Variants in DAPK1 observed in about 807,000 individuals in gnomAD.
The protein encoded by DAPK1 is death-associated protein kinase 1.
Under a neutral mutation model 144.9 loss-of-function variants are expected in DAPK1, and 56 were observed. The ratio of observed to expected loss-of-function variants is 0.39; its 90% confidence interval spans 0.31 to 0.48. DAPK1 has a LOEUF of 0.48. Ranked by LOEUF, DAPK1 falls within the 20% of genes least tolerant of loss-of-function variation. The pLI is 0.95. For missense variants in DAPK1, 1,454 were observed against 1,875.4 expected (o/e 0.78, Z 4.15); for synonymous variants, 690 against 749.0 (o/e 0.92, Z 1.29).
intron 4 of DAPK1, among the ~76,000 whole-genome samples, chr9:87,638,624 A>C (rs949080554): frequency 6.6e-6 from 1 of 152,324 alleles, no homozygotes; most frequent in South Asian, 2.1e-4. Flanking sequence ...CGACAGGAGC[A>C]ATAGGAAGTG....
intron 2 of DAPK1, chr9:87,506,707 A>G (rs572803998): frequency 6.6e-6 from 1 of 152,324 alleles, no homozygotes; most frequent in African/African-American, 2.4e-5. Flanking sequence ...GGTAAATTAT[A>G]CAAATGGAAT....
At chr9:87,540,629 C>G (rs549763901) in intron 2 of DAPK1, among the ~76,000 whole-genome samples, 16 of 152,252 alleles carry the variant, frequency 1.1e-4, no homozygotes, top group Admixed American at 2.0e-4. Flanking sequence ...GGAATGGATC[C>G]CCTGTGAGTA....
At chr9:87,629,238 G>T (rs1175030449) in intron 3 of DAPK1, among the ~76,000 whole-genome samples, 1 of 152,224 alleles carries the variant, frequency 6.6e-6, no homozygotes, top group Non-Finnish European at 1.5e-5. Context: ...GTGGAGGGCG[G>T]TCTACAGGGA....
intron 2 of DAPK1, among the ~76,000 whole-genome samples, chr9:87,518,105 G>GTTTTTTTT (rs1178414186): frequency 1.1e-4 from 4 of 35,606 alleles, no homozygotes; most frequent in East Asian, 1.6e-3. Flanking sequence ...TTATGTTGTT[G>GTTTTTTTT]TTTTTTTTTT....
intron 2 of DAPK1, among the ~76,000 whole-genome samples, chr9:87,557,214 G>A (rs1375041251): frequency 6.6e-5 from 10 of 152,078 alleles, no homozygotes; most frequent in Non-Finnish European, 1.2e-4. Flanking sequence ...GTGTTACCTG[G>A]CAGCCACACA....
intron 3 of DAPK1, among the ~76,000 whole-genome samples, chr9:87,628,589 A>G (rs1369999715): frequency 6.6e-6 from 1 of 152,166 alleles, no homozygotes; most frequent in East Asian, 1.9e-4. Flanking sequence ...GGCTTCCCCT[A>G]AATTAACAGG....
At position 87,505,958 on chromosome 9, in the gene DAPK1, G is replaced by T. The variant is rs569339317; in HGVS notation, c.62+6819G>T. 9.2e-5 allele frequency among the ~76,000 whole-genome samples: 14 copies of T among 152,318 alleles called. 1 individual carries two copies. The South Asian group carries it at 2.1e-3, about 23-fold the overall frequency. ...CCGTCTCGGCCTCCCAAAGTGCTGG[G>T]ATTATAAGCGTCAGCCTCTCGCTGT... On this transcript the variant is annotated intron_variant, in intron 2 of 25. Transcript: ENST00000408954.
At chr9:87,616,820 A>T (rs1208443836) in intron 3 of DAPK1, among the ~76,000 whole-genome samples, 1 of 152,206 alleles carries the variant, frequency 6.6e-6, no homozygotes, top group Non-Finnish European at 1.5e-5. Context: ...CCACGGCCAC[A>T]TGGCTGGAAA....
In DAPK1 at chr9:87,508,151, A is replaced by G. The variant is rs537595159; in HGVS notation, c.62+9012A>G. Among the ~76,000 whole-genome samples, 4 of 151,690 alleles carry G rather than the reference A, an allele frequency of 2.6e-5. No individual in the cohort carries two copies. The South Asian group carries it at 6.3e-4, about 24-fold the overall frequency. ...CTCAGCCTCCTGAGTAGCTGGGACT[A>G]CAGGCACCCGCCACGACGCCCGGCT... On this transcript the variant is annotated intron_variant, in intron 2 of 25. Coordinates refer to ENST00000408954, the MANE Select transcript of DAPK1 (RefSeq NM_004938.4).
intron 2 of DAPK1, among the ~76,000 whole-genome samples, chr9:87,507,901 CAAATATTTT>C (rs1824669889): frequency 6.6e-6 from 1 of 152,120 alleles, no homozygotes; most frequent in Admixed American, 6.5e-5. Context: ...GGCTGGCTGG[CAAATATTTT>C]AAGTGCAGTT....
intron 19 of DAPK1, among the ~76,000 whole-genome samples, chr9:87,670,563 C>A (rs986084660): frequency 8.5e-5 from 13 of 152,286 alleles, no homozygotes; most frequent in Admixed American, 8.5e-4. Context: ...CAGGTTTCCA[C>A]ACAGAGAGGC....
At chr9:87,516,098 C>T (rs1167193679) in intron 2 of DAPK1, among the ~76,000 whole-genome samples, 1 of 152,176 alleles carries the variant, frequency 6.6e-6, no homozygotes, top group Non-Finnish European at 1.5e-5. Flanking sequence ...AATGTGGCCT[C>T]TTGCTGTTTT....
chr9:87,614,965 C>A (rs1829046464), intron 3 of DAPK1, among the ~76,000 whole-genome samples: 1 of 152,186 alleles, frequency 6.6e-6, no homozygotes, highest in South Asian at 2.1e-4. Flanking sequence ...GGGTTGGAGA[C>A]AGGCAGCCGG....
Position 87,571,466 on chromosome 9 carries a change from CA to C in DAPK1, c.63-33487del, listed in dbSNP as rs1827335926. 6.3e-4 allele frequency among the ~76,000 whole-genome samples: 38 copies of C among 60,456 alleles called. 4 individuals carry two copies. The highest frequency in any genetic ancestry group is 2.8e-3 in the Admixed American group (18 of 6,430). 39.7% of individuals were successfully genotyped at this position (60,456 alleles called of 152,430 possible). ...ACACACACACACACACACACACACA[CA>C]CACACACCAACACACACACACACAC... On this transcript the variant is annotated intron_variant, in intron 2 of 25. Coordinates refer to ENST00000408954, the MANE Select transcript of DAPK1 (RefSeq NM_004938.4).
At chr9:87,581,289 G>A (rs923760333) in intron 2 of DAPK1, among the ~76,000 whole-genome samples, 1 of 152,118 alleles carries the variant, frequency 6.6e-6, no homozygotes, top group Non-Finnish European at 1.5e-5. Flanking sequence ...ACAAGGACTA[G>A]CAATGAATGG....
chr9:87,595,003 C>T (rs1344851448), intron 2 of DAPK1, among the ~76,000 whole-genome samples: 1 of 152,186 alleles, frequency 6.6e-6, no homozygotes, highest in Non-Finnish European at 1.5e-5. Flanking sequence ...AAGGAGCAGG[C>T]ACTGTGATTG....
At chr9:87,658,616 G>C (rs533421845) in intron 18 of DAPK1, among the ~76,000 whole-genome samples, 2 of 152,278 alleles carry the variant, frequency 1.3e-5, no homozygotes, top group South Asian at 2.1e-4. Flanking sequence ...TAGGCCTGTG[G>C]AGTATTTTAA....
At chr9:87,628,206 G>A (rs556448255) in intron 3 of DAPK1, among the ~76,000 whole-genome samples, 5 of 152,146 alleles carry the variant, frequency 3.3e-5, no homozygotes, top group African/African-American at 1.2e-4. Context: ...GAATCCATGC[G>A]GCTCCTTTTA....
At chr9:87,664,059 GC>G (rs1369492015) in intron 18 of DAPK1, among the ~76,000 whole-genome samples, 1 of 151,872 alleles carries the variant, frequency 6.6e-6, no homozygotes, top group Non-Finnish European at 1.5e-5. Context: ...GTAGCCTCCT[GC>G]CCCTTGGGAC....
Sources: gnomAD v4.1 joint callset for allele counts (sites outside exome capture counted in the v4.1 genomes callset) on GRCh38, gnomAD v4.1.1 for gene constraint, MANE v1.5 for transcripts, NCBI Gene and HGNC (gene_info 2026-07-23, HGNC 2026-07-21) for gene names.